Variants in AMZ1 observed in about 807,000 individuals in gnomAD.
The protein encoded by AMZ1 is archaemetzincin-1.
A neutral mutation model predicts 29.9 loss-of-function variants in AMZ1; 39 were observed. The ratio of observed to expected loss-of-function variants is 1.30; its 90% CI spans 1.01 to 1.70. The LOEUF (loss-of-function observed/expected upper bound fraction) is 1.70, where lower values mean the gene tolerates loss of function less well. Ranked by LOEUF, AMZ1 falls within the 40% of genes most tolerant of loss-of-function variation. The probability of loss-of-function intolerance (pLI) is 0.00; values close to 1 mark genes in which losing one functional copy is unlikely to be tolerated. For missense variants in AMZ1, 1,041 were observed against 680.6 expected (o/e 1.53, Z -5.89); for synonymous variants, 458 against 304.0 (o/e 1.51, Z -5.27).
In AMZ1 at chr7:2,738,706, T is replaced by C. The variant is rs77737372; in HGVS notation, n.551-26006T>C. Among the ~76,000 whole-genome samples, 1,400 of 152,076 alleles carry C rather than the reference T, an allele frequency of 9.2e-3. 16 individuals are homozygous for C. The highest frequency in any genetic ancestry group is 0.032 in the African/African-American group (1,323 of 41,446). ...TTTGGAACCATGCTAACATCTTCCA[T>C]AATTAAAAAAAAATTAAATAAAAAA... On this transcript the variant is annotated intron_variant and non_coding_transcript_variant, in intron 4 of 4. Transcript: ENST00000489665.
chr7:2,680,305 G>A (rs1222061566), intron 1 of AMZ1, among the ~76,000 whole-genome samples: 1 of 152,126 alleles, frequency 6.6e-6, no homozygotes, highest in East Asian at 1.9e-4. Flanking sequence ...CGGCTCTCTG[G>A]GGACCTGCCT....
intron 1 of AMZ1, among the ~76,000 whole-genome samples, chr7:2,696,430 T>G (rs1028895513): frequency 6.6e-6 from 1 of 151,218 alleles, no homozygotes; most frequent in African/African-American, 2.4e-5. Context: ...CTAATTTTTT[T>G]GTATTTTTAG....
intron 4 of AMZ1, among the ~76,000 whole-genome samples, chr7:2,747,486 A>G (rs1403727629): frequency 1.3e-5 from 2 of 152,188 alleles, no homozygotes; most frequent in East Asian, 1.9e-4. Context: ...CATGCTAAAA[A>G]CTCTCAACAA....
chr7:2,750,691 A>G (rs1790989832), intron 4 of AMZ1, among the ~76,000 whole-genome samples: 1 of 152,224 alleles, frequency 6.6e-6, no homozygotes, highest in Non-Finnish European at 1.5e-5. Flanking sequence ...GAAGCCACGG[A>G]CACGGGGGAC....
chr7:2,741,367 C>CA (rs1790495562), intron 4 of AMZ1, among the ~76,000 whole-genome samples: 1 of 152,054 alleles, frequency 6.6e-6, no homozygotes, highest in Non-Finnish European at 1.5e-5. Context: ...AAAAAAAACC[C>CA]AAAAACCTAA....
At chr7:2,683,501 G>A (rs912983689), upstream of AMZ1, among the ~76,000 whole-genome samples, 1 of 151,976 alleles carries the variant, frequency 6.6e-6, no homozygotes, top group Non-Finnish European at 1.5e-5. Context: ...GCAGTGGCAC[G>A]ATCTCGGCTC....
At chr7:2,710,024 G>A (rs752148953) in intron 6 of AMZ1, among the ~76,000 whole-genome samples, 2 of 152,248 alleles carry the variant, frequency 1.3e-5, no homozygotes, top group African/African-American at 2.4e-5. Flanking sequence ...CAGGGCCCGC[G>A]TGTGGTGGCT....
At chr7:2,749,674 A>T (rs1790933445) in intron 4 of AMZ1, among the ~76,000 whole-genome samples, 2 of 151,930 alleles carry the variant, frequency 1.3e-5, no homozygotes, top group Admixed American at 6.6e-5. Context: ...TAATAAAATA[A>T]AAAAAAAGAA....
At chr7:2,749,477 C>T (rs1009217215) in intron 4 of AMZ1, among the ~76,000 whole-genome samples, 9 of 123,682 alleles carry the variant, frequency 7.3e-5, no homozygotes, top group African/African-American at 1.6e-4. Context: ...CACATGGACA[C>T]GGGAAGGGGA....
chr7:2,743,035 G>A (rs1027195102), intron 4 of AMZ1, among the ~76,000 whole-genome samples: 2 of 152,110 alleles, frequency 1.3e-5, no homozygotes, highest in Non-Finnish European at 2.9e-5. Context: ...CCATCTTTTT[G>A]GCCAGGAGAA....
intron 3 of AMZ1, among the ~76,000 whole-genome samples, chr7:2,707,729 C>A (rs992850670): frequency 2.0e-5 from 3 of 151,890 alleles, no homozygotes; most frequent in African/African-American, 7.3e-5. Context: ...CACCCGTATC[C>A]TTGGCTAATG....
In AMZ1 at chr7:2,709,719, GCCTGGACGAGGCCCTGCGGCGGCC is replaced by G; in HGVS notation, c.859_882del (p.Glu287_Asp294del). 1.2e-6 allele frequency: 2 copies of G among 1,611,296 alleles called. No homozygotes were observed. The highest frequency in any genetic ancestry group is 1.7e-6 in the Non-Finnish European group (2 of 1,179,858). On this transcript the variant is annotated inframe_deletion, in exon 6 of 7. Coordinates refer to ENST00000683327, the MANE Select transcript of AMZ1 (RefSeq NM_001384743.1). ...CGCTGCCTCATGCAGGGTGCGCTCA[GCCTGGACGAGGCCCTGCGGCGGCC>G]CCTGGACCTCTGTCCCATCTGCCTG...
At chr7:2,762,369 G>A (rs565029241), upstream of AMZ1, 4 of 426,548 alleles carry the variant, frequency 9.4e-6, no homozygotes, top group South Asian at 1.1e-4. Context: ...ATCCAGACAC[G>A]GTATGGCGGT....
At chr7:2,699,538 C>CG (rs1308118135) in intron 1 of AMZ1, among the ~76,000 whole-genome samples, 12 of 152,042 alleles carry the variant, frequency 7.9e-5, no homozygotes, top group South Asian at 4.2e-4. Context: ...CCCGCCCCCC[C>CG]CCAAACATAT....
At chr7:2,758,052 T>G (rs1209103762) in intron 4 of AMZ1, among the ~76,000 whole-genome samples, 2 of 152,106 alleles carry the variant, frequency 1.3e-5, no homozygotes, top group African/African-American at 4.8e-5. Context: ...TGGGGATGAG[T>G]CACTCCCTAA....
At chr7:2,755,888 T>C (rs1053001999) in intron 4 of AMZ1, among the ~76,000 whole-genome samples, 1 of 152,246 alleles carries the variant, frequency 6.6e-6, no homozygotes, top group African/African-American at 2.4e-5. Context: ...TTGTTGTTTA[T>C]GCTCCCCAAA....
At chr7:2,703,857 G>T (rs543220782) in intron 3 of AMZ1, among the ~76,000 whole-genome samples, 42 of 152,038 alleles carry the variant, frequency 2.8e-4, no homozygotes, top group South Asian at 1.0e-3. Flanking sequence ...CTCATCCTTT[G>T]GCTAAGGCTT....
rs182442441 is a variant in AMZ1, at chr7:2,735,937, C to T, written n.550+26121C>T. ...CAGAGCAACCCTGTGTGATCCAGAA[C>T]GCTGTCACTCACATCCGCACTCTTG... is the stretch of plus-strand genomic sequence containing the variant. On this transcript the variant is annotated intron_variant and non_coding_transcript_variant, in intron 4 of 4. Coordinates refer to the AMZ1 transcript ENST00000489665. Among the ~76,000 whole-genome samples, 144 of 152,236 alleles carry T rather than the reference C, an allele frequency of 9.5e-4. 1 individual carries two copies. Among genetic ancestry groups the T allele is most frequent in the Non-Finnish European group, 1.6e-3 (111 of 68,020 alleles).
At chr7:2,706,026 T>A (rs1239069328) in intron 3 of AMZ1, among the ~76,000 whole-genome samples, 1 of 152,142 alleles carries the variant, frequency 6.6e-6, no homozygotes, top group Non-Finnish European at 1.5e-5. Flanking sequence ...CCCCCTCTGC[T>A]TAGTGGACAA....
Sources: gnomAD v4.1 joint callset for allele counts (sites outside exome capture counted in the v4.1 genomes callset) on GRCh38, gnomAD v4.1.1 for gene constraint, MANE v1.5 for transcripts, NCBI Gene and HGNC (gene_info 2026-07-23, HGNC 2026-07-21) for gene names.